Variants in KCNN3 observed in about 807,000 individuals in gnomAD.
The protein encoded by KCNN3 is small conductance calcium-activated potassium channel protein 3.
A neutral mutation model predicts 62.9 loss-of-function variants in KCNN3; 16 were observed. The ratio of observed to expected loss-of-function variants is 0.25; its 90% CI spans 0.17 to 0.39. KCNN3 has a LOEUF of 0.39. Ranked by LOEUF, KCNN3 falls within the 10% of genes least tolerant of loss-of-function variation. The pLI is 1.00. For missense variants in KCNN3, 599 were observed against 949.4 expected (o/e 0.63, Z 4.85); for synonymous variants, 370 against 389.2 (o/e 0.95, Z 0.58).
chr1:154,780,194 C>CTTTTTTTTTTTTTT (rs71077969), intron 2 of KCNN3, among the ~76,000 whole-genome samples: 5 of 102,064 alleles, frequency 4.9e-5, no homozygotes, highest in African/African-American at 7.9e-5. Context: ...TTCTTTTTTT[C>CTTTTTTTTTTTTTT]TTTTTTTTTT....
At chr1:154,720,893 G>A (rs554960259) in intron 5 of KCNN3, among the ~76,000 whole-genome samples, 3 of 152,230 alleles carry the variant, frequency 2.0e-5, no homozygotes, top group East Asian at 1.9e-4. Flanking sequence ...GAACAGCCAC[G>A]GCAAGGTGAA....
intron 1 of KCNN3, among the ~76,000 whole-genome samples, chr1:154,863,733 CG>C (rs570587324): frequency 8.1e-4 from 123 of 152,294 alleles, no homozygotes; most frequent in African/African-American, 2.8e-3. Context: ...AAGAGAAATA[CG>C]AGGCATCAGC....
chr1:154,725,223 T>G (rs898925356), intron 5 of KCNN3, among the ~76,000 whole-genome samples: 8 of 152,200 alleles, frequency 5.3e-5, no homozygotes, highest in African/African-American at 1.7e-4. Flanking sequence ...ACTTTTATAG[T>G]TTTAGGTATA....
At chr1:154,717,985 C>A (rs776960334) in intron 5 of KCNN3, among the ~76,000 whole-genome samples, 1 of 152,120 alleles carries the variant, frequency 6.6e-6, no homozygotes, top group Non-Finnish European at 1.5e-5. Flanking sequence ...TTTGCCGAGC[C>A]TCCAAAGGGC....
intron 2 of KCNN3, among the ~76,000 whole-genome samples, chr1:154,813,475 G>A (rs866113422): frequency 1.3e-5 from 2 of 151,988 alleles, no homozygotes; most frequent in East Asian, 1.9e-4. Flanking sequence ...GCCAGGCGAC[G>A]CACCGCCTTC....
intron 3 of KCNN3, among the ~76,000 whole-genome samples, chr1:154,735,069 G>A (rs1467702965): frequency 6.6e-6 from 1 of 152,170 alleles, no homozygotes; most frequent in Non-Finnish European, 1.5e-5. Flanking sequence ...TGTCTTAGAG[G>A]CCTTAGAAGA....
intron 3 of KCNN3, among the ~76,000 whole-genome samples, chr1:154,757,965 C>T (rs944290614): frequency 1.3e-5 from 2 of 152,198 alleles, no homozygotes; most frequent in African/African-American, 4.8e-5. Flanking sequence ...GGCCCAACGT[C>T]ACCTGCTAGT....
intron 1 of KCNN3, among the ~76,000 whole-genome samples, chr1:154,842,961 C>T (rs1461133738): frequency 2.0e-5 from 3 of 152,118 alleles, no homozygotes. Flanking sequence ...GTAGTGACCT[C>T]ATAAAGTTGT....
intron 2 of KCNN3, among the ~76,000 whole-genome samples, chr1:154,788,456 AT>A (rs1490438686): frequency 1.3e-5 from 2 of 152,246 alleles, no homozygotes. Flanking sequence ...TCTCAAACTT[AT>A]TTGACCTTGA....
intron 3 of KCNN3, among the ~76,000 whole-genome samples, chr1:154,765,968 G>C (rs1056513893): frequency 1.3e-5 from 2 of 151,816 alleles, no homozygotes; most frequent in Non-Finnish European, 2.9e-5. Context: ...TTCTAATGTT[G>C]CTTTTTGTTT....
At chr1:154,864,089 C>A (rs1652868371) in intron 1 of KCNN3, among the ~76,000 whole-genome samples, 2 of 152,234 alleles carry the variant, frequency 1.3e-5, no homozygotes, top group Non-Finnish European at 2.9e-5. Flanking sequence ...TCAGTGTGAC[C>A]TGTGAAGACA....
intron 5 of KCNN3, among the ~76,000 whole-genome samples, chr1:154,724,692 T>C (rs1336348562): frequency 6.6e-6 from 1 of 152,224 alleles, no homozygotes; most frequent in East Asian, 1.9e-4. Flanking sequence ...TTTCAGCAGC[T>C]AAATGGTCTA....
intron 3 of KCNN3, among the ~76,000 whole-genome samples, chr1:154,761,053 G>A (rs1236542403): frequency 3.9e-5 from 6 of 152,242 alleles, no homozygotes; most frequent in Admixed American, 3.9e-4. Flanking sequence ...TGGAAGATGA[G>A]GGGCTTCGTC....
intron 1 of KCNN3, among the ~76,000 whole-genome samples, chr1:154,826,302 G>T (rs1428114102): frequency 2.0e-5 from 3 of 152,136 alleles, no homozygotes; most frequent in African/African-American, 4.8e-5. Flanking sequence ...TTCTGCTCCA[G>T]GCCACGAGCC....
intron 1 of KCNN3, among the ~76,000 whole-genome samples, chr1:154,829,029 C>G (rs1307033350): frequency 6.6e-6 from 1 of 152,262 alleles, no homozygotes; most frequent in Non-Finnish European, 1.5e-5. Flanking sequence ...CGCTCCAACC[C>G]CAACCTGCTG....
intron 2 of KCNN3, among the ~76,000 whole-genome samples, chr1:154,797,344 T>C (rs575322471): frequency 1.3e-5 from 2 of 152,378 alleles, no homozygotes; most frequent in African/African-American, 4.8e-5. Context: ...ACTGACTGGC[T>C]GTGTGATTTT....
At chr1:154,851,627 G>A (rs1372858450) in intron 1 of KCNN3, among the ~76,000 whole-genome samples, 1 of 152,094 alleles carries the variant, frequency 6.6e-6, no homozygotes, top group East Asian at 1.9e-4. Flanking sequence ...TGCACACCAT[G>A]ACCTTTTGTC....
intron 1 of KCNN3, among the ~76,000 whole-genome samples, chr1:154,860,591 C>G (rs1218584): frequency 0.22 from 32,979 of 152,164 alleles, 3,787 homozygotes; most frequent in Non-Finnish European, 0.24. Context: ...TTTACTCACA[C>G]AGATTCACCC....
intron 3 of KCNN3, among the ~76,000 whole-genome samples, chr1:154,739,829 C>T (rs906171252): frequency 3.9e-5 from 6 of 152,262 alleles, no homozygotes; most frequent in African/African-American, 1.4e-4. Context: ...TGGCAAGGGA[C>T]ACAGCCTGCC....
Sources: gnomAD v4.1 joint callset for allele counts (sites outside exome capture counted in the v4.1 genomes callset) on GRCh38, gnomAD v4.1.1 for gene constraint, MANE v1.5 for transcripts, NCBI Gene and HGNC (gene_info 2026-07-23, HGNC 2026-07-21) for gene names.